LRRTM4: variants seen among roughly 807,000 people sequenced by gnomAD.
The protein encoded by LRRTM4 is leucine rich repeat transmembrane neuronal 4.
Under a neutral mutation model 47.6 loss-of-function variants are expected in LRRTM4, and 25 were observed. The observed-to-expected ratio is 0.53, with a 90% CI of 0.38 to 0.73. The LOEUF (loss-of-function observed/expected upper bound fraction) is 0.73. Ranked by LOEUF, LRRTM4 falls within the 30% of genes least tolerant of loss-of-function variation. LRRTM4 has a pLI of 0.00. For missense variants in LRRTM4, 638 were observed against 713.4 expected (o/e 0.89, Z 1.20); for synonymous variants, 311 against 269.5 (o/e 1.15, Z -1.51).
At chr2:76,969,177 A>C (rs1676138175) in intron 3 of LRRTM4, among the ~76,000 whole-genome samples, 1 of 151,938 alleles carries the variant, frequency 6.6e-6, no homozygotes, top group Non-Finnish European at 1.5e-5. Context: ...CCACACAGCT[A>C]ATTAGTCTCT....
At chr2:77,385,375 T>C (rs1673220486) in intron 3 of LRRTM4, among the ~76,000 whole-genome samples, 1 of 152,154 alleles carries the variant, frequency 6.6e-6, no homozygotes, top group African/African-American at 2.4e-5. Flanking sequence ...GTGTTTACTG[T>C]GGTTCCAAAG....
chr2:77,083,839 C>G (rs562446287), intron 3 of LRRTM4, among the ~76,000 whole-genome samples: 36 of 109,966 alleles, frequency 3.3e-4, no homozygotes, highest in African/African-American at 1.1e-3. Flanking sequence ...GAGTCTCGCT[C>G]TGTCGCCCAG....
chr2:77,503,018 G>C (rs768232774), intron 3 of LRRTM4, among the ~76,000 whole-genome samples: 12 of 149,370 alleles, frequency 8.0e-5, no homozygotes, highest in Non-Finnish European at 1.6e-4. Context: ...ATGAAAATCT[G>C]TGAAGGCAGG....
At chr2:77,287,487 T>C (rs577298330) in intron 3 of LRRTM4, among the ~76,000 whole-genome samples, 19 of 152,120 alleles carry the variant, frequency 1.2e-4, no homozygotes, top group Middle Eastern at 3.4e-3. Flanking sequence ...CATGTTTTTT[T>C]CCCCCAAGGT....
chr2:77,520,248 G>C (rs1463701649), intron 2 of LRRTM4, among the ~76,000 whole-genome samples: 3 of 152,014 alleles, frequency 2.0e-5, no homozygotes, highest in Non-Finnish European at 4.4e-5. Context: ...ATGTGCTCTG[G>C]TAAGGGCAAA....
chr2:77,301,803 T>G lies in LRRTM4; in HGVS notation c.1551+216515A>C, dbSNP rs73943844. On this transcript the variant is annotated intron_variant, in intron 3 of 3. Transcript: ENST00000409884. ...TCTTTATATTAAATTCAGTTATTAG[T>G]GGGCTGTGGAGAGATTTCCAACACA... 1.8e-3 allele frequency among the ~76,000 whole-genome samples: 281 copies of G among 152,268 alleles called. 1 individual carries two copies. The highest frequency in any genetic ancestry group is 6.6e-3 in the African/African-American group (275 of 41,566).
chr2:77,235,787 G>A (rs1223695961), intron 3 of LRRTM4, among the ~76,000 whole-genome samples: 2 of 151,988 alleles, frequency 1.3e-5, no homozygotes, highest in South Asian at 2.1e-4. Context: ...TTCCTCATTG[G>A]TTATTTTTGA....
intron 3 of LRRTM4, among the ~76,000 whole-genome samples, chr2:76,975,058 A>G (rs745461964): frequency 1.2e-4 from 18 of 151,896 alleles, no homozygotes; most frequent in Non-Finnish European, 2.4e-4. Flanking sequence ...TCAGTGGTTA[A>G]CAAAAACAAA....
intron 3 of LRRTM4, among the ~76,000 whole-genome samples, chr2:77,108,637 G>T (rs1226168617): frequency 6.9e-6 from 1 of 145,764 alleles, no homozygotes; most frequent in Non-Finnish European, 1.5e-5. Flanking sequence ...AGGCTGGAGT[G>T]CAGTGGCGGG....
intron 3 of LRRTM4, among the ~76,000 whole-genome samples, chr2:77,022,561 G>C (rs935158397): frequency 6.6e-6 from 1 of 152,176 alleles, no homozygotes. Flanking sequence ...TACAATGGAG[G>C]TACAGATATT....
chr2:77,003,520 C>T (rs894237426), intron 3 of LRRTM4, among the ~76,000 whole-genome samples: 1 of 152,066 alleles, frequency 6.6e-6, no homozygotes, highest in Non-Finnish European at 1.5e-5. Context: ...AGGGAAGTTT[C>T]CCTGTATATC....
rs1182573326 is a variant in LRRTM4 at position 77,353,970 on chromosome 2, G to A, written c.1551+164348C>T. Among the ~76,000 whole-genome samples, 8 of 152,150 alleles carry A rather than the reference G, an allele frequency of 5.3e-5. No individual in the cohort carries two copies. In the East Asian group the frequency reaches 7.7e-4, roughly 15 times the overall value. Reference sequence around the variant, plus strand: ...TGCATCTGTAGAGCAGGGCTATTCCGCAGGCAGTGTGCTGAGAGTAGCAAC... The same window carrying A: ...TGCATCTGTAGAGCAGGGCTATTCCACAGGCAGTGTGCTGAGAGTAGCAAC... On this transcript the variant is annotated intron_variant, in intron 3 of 3. Coordinates refer to ENST00000409884, the MANE Select transcript of LRRTM4 (RefSeq NM_001134745.3).
chr2:76,807,905 C>CTTTCT (rs377577213), intron 3 of LRRTM4, among the ~76,000 whole-genome samples: 4,278 of 143,644 alleles, frequency 0.03, 185 homozygotes, highest in African/African-American at 0.1. Flanking sequence ...CTTTACTTTT[C>CTTTCT]TTTCTTTTCT....
chr2:76,964,548 C>G (rs529720696), intron 3 of LRRTM4, among the ~76,000 whole-genome samples: 1 of 150,784 alleles, frequency 6.6e-6, no homozygotes, highest in Admixed American at 6.7e-5. Flanking sequence ...TCTGTACTCC[C>G]TGTCATATAT....
chr2:77,206,633 G>A (rs1224552811), intron 3 of LRRTM4, among the ~76,000 whole-genome samples: 3 of 151,836 alleles, frequency 2.0e-5, no homozygotes, highest in East Asian at 1.9e-4. Flanking sequence ...TGCAGAGCAC[G>A]CGACCATGCC....
At chr2:77,146,513 T>G (rs1672265734) in intron 3 of LRRTM4, among the ~76,000 whole-genome samples, 1 of 152,202 alleles carries the variant, frequency 6.6e-6, no homozygotes, top group Non-Finnish European at 1.5e-5. Flanking sequence ...ACTAAAGGTC[T>G]TGCTTCAACT....
intron 3 of LRRTM4, among the ~76,000 whole-genome samples, chr2:77,490,844 A>C (rs1280616917): frequency 6.6e-6 from 1 of 152,194 alleles, no homozygotes; most frequent in Non-Finnish European, 1.5e-5. Context: ...TTGTTTTAGG[A>C]AGAACAAAAT....
intron 3 of LRRTM4, among the ~76,000 whole-genome samples, chr2:76,817,345 A>G (rs555211954): frequency 6.6e-5 from 10 of 151,958 alleles, no homozygotes; most frequent in Non-Finnish European, 1.2e-4. Flanking sequence ...TTTCACTGGT[A>G]TATTCAAGTT....
At chr2:77,006,060 G>T (rs1020981334) in intron 3 of LRRTM4, among the ~76,000 whole-genome samples, 7 of 152,026 alleles carry the variant, frequency 4.6e-5, no homozygotes, top group African/African-American at 1.7e-4. Context: ...ACTCTTAAAT[G>T]AATACATAAA....
Sources: gnomAD v4.1 joint callset for allele counts (sites outside exome capture counted in the v4.1 genomes callset) on GRCh38, gnomAD v4.1.1 for gene constraint, MANE v1.5 for transcripts, NCBI Gene and HGNC (gene_info 2026-07-23, HGNC 2026-07-21) for gene names.